STARD8: variants seen among roughly 807,000 people sequenced by gnomAD.
STARD8 encodes stAR-related lipid transfer protein 8.
Under a neutral mutation model 69.4 loss-of-function variants are expected in STARD8, and 25 were observed. The observed-to-expected ratio is 0.36, with a 90% CI of 0.26 to 0.50. The LOEUF (loss-of-function observed/expected upper bound fraction) is 0.50. STARD8 is among the 20% of genes least tolerant of loss of function. The probability of loss-of-function intolerance (pLI) is 0.96; values close to 1 mark genes in which losing one functional copy is unlikely to be tolerated. For synonymous variants in STARD8, 389 were observed against 374.6 expected (o/e 1.04, Z -0.45); for missense variants, 921 against 932.5 (o/e 0.99, Z 0.16).
At chrX:68,653,221 TACAC>T (rs1484716540) in intron 1 of STARD8, among the ~76,000 whole-genome samples, 1 of 4,317 alleles carries the variant, frequency 2.3e-4, no homozygotes, top group Admixed American at 2.9e-3. Context: ...CCACACAACA[TACAC>T]ACCACACCAC....
intron 1 of STARD8, among the ~76,000 whole-genome samples, chrX:68,659,251 G>C (rs1297777082): frequency 8.9e-6 from 1 of 111,762 alleles, no homozygotes; most frequent in African/African-American, 3.3e-5. Context: ...GATTGCTCTA[G>C]GTGACCCTGG....
intron 2 of STARD8, among the ~76,000 whole-genome samples, chrX:68,686,836 A>G (rs2079836373): frequency 9.0e-6 from 1 of 111,472 alleles, no homozygotes; most frequent in African/African-American, 3.3e-5. Context: ...CCAGCAGTCT[A>G]TCCGGCTTCG....
intron 1 of STARD8, among the ~76,000 whole-genome samples, chrX:68,650,308 C>A (rs2079538770): frequency 9.2e-6 from 1 of 108,644 alleles, no homozygotes; most frequent in African/African-American, 3.4e-5. Context: ...CACCTATAGT[C>A]CCAGTTACTT....
chrX:68,690,918 A>G (rs187060373), intron 2 of STARD8, among the ~76,000 whole-genome samples: 2 of 112,163 alleles, frequency 1.8e-5, no homozygotes, highest in Non-Finnish European at 3.8e-5. Context: ...GCAGCCATTG[A>G]AGGTCAGGGT....
At chrX:68,685,158 G>C (rs777424525) in intron 2 of STARD8, among the ~76,000 whole-genome samples, 118 of 112,078 alleles carry the variant, frequency 1.1e-3, no homozygotes, top group Middle Eastern at 4.6e-3. Flanking sequence ...GAGACAGTAG[G>C]GGGGAGGGGC....
At chrX:68,648,416 C>T (rs1451904188) in intron 1 of STARD8, among the ~76,000 whole-genome samples, 1 of 111,120 alleles carries the variant, frequency 9.0e-6, no homozygotes, top group Non-Finnish European at 1.9e-5. Context: ...TAATTTCTAT[C>T]CATATATATA....
Position 68,685,366 on chromosome X carries a change from A to G in STARD8, c.79+19834A>G, listed in dbSNP as rs745338434. ...TTTACTGGCCACCAACAGAAGTAGAATGGAAATGACCTGGTCTGAGAGCTG... is the reference window on the plus strand; with the variant it reads ...TTTACTGGCCACCAACAGAAGTAGAGTGGAAATGACCTGGTCTGAGAGCTG... On this transcript the variant is annotated intron_variant, in intron 2 of 14. Coordinates refer to ENST00000374599, the MANE Select transcript of STARD8 (RefSeq NM_001142503.3). Among the ~76,000 whole-genome samples the G allele has an allele frequency of 4.5e-5, 5 of 111,891 alleles. No homozygotes were observed. In the East Asian group the frequency reaches 1.4e-3, roughly 31 times the overall value.
intron 3 of STARD8, among the ~76,000 whole-genome samples, chrX:68,714,587 C>T (rs2080077135): frequency 8.9e-6 from 1 of 112,401 alleles, no homozygotes; most frequent in African/African-American, 3.2e-5. Flanking sequence ...AGTACTGTTG[C>T]TTATCTTTTT....
chrX:68,682,873 T>A (rs1216835340), intron 2 of STARD8, among the ~76,000 whole-genome samples: 1 of 112,256 alleles, frequency 8.9e-6, no homozygotes, highest in Non-Finnish European at 1.9e-5. Flanking sequence ...GTCTTAGAAG[T>A]GTGGACTTGT....
intron 7 of STARD8, among the ~76,000 whole-genome samples, chrX:68,719,972 C>T (rs190614075): frequency 5.3e-5 from 6 of 112,641 alleles, no homozygotes; most frequent in Non-Finnish European, 1.1e-4. Context: ...CCCTAACTCA[C>T]TAGGTACAGT....
intron 1 of STARD8, among the ~76,000 whole-genome samples, chrX:68,653,768 C>G (rs1035768981): frequency 9.8e-6 from 1 of 102,380 alleles, no homozygotes; most frequent in Non-Finnish European, 2.0e-5. Context: ...CCCCACACAT[C>G]ACACATACCA....
rs769544278 is a variant in STARD8 at position 68,719,184 on chromosome X, C to A, written c.1716-41C>A. On this transcript the variant is annotated intron_variant, in intron 6 of 14. Transcript: ENST00000374599. ...CTTTTCTAAGGTTTAGCCAAACCTG[C>A]TCCTCTGGGCTTCTCCACCCCTCTC... 8.0e-6 allele frequency: 9 copies of A among 1,125,466 alleles called. No homozygotes were observed. The African/African-American group carries it at 1.7e-4, about 21-fold the overall frequency. The allele number at this position is 1,125,466 out of a possible 1,213,427, so 92.8% of individuals were successfully genotyped here.
In STARD8 at chrX:68,665,513, G is replaced by T. The variant is rs1569354645; in HGVS notation, c.60G>T (p.Leu20=). The change falls in exon 2 of 15, where the codon CTG becomes CTT. Residue 20 remains leucine, a synonymous_variant. Transcript: ENST00000374599. ...CFRKVKCFPL[L]QVKKNAEAEA... ...TTCTTTTGCAGTGCTTCCCATTGCT[G>T]CAGGTGAAGAAGAACGCTGGTAAGT... 3.3e-6 allele frequency: 4 copies of T among 1,208,792 alleles called. No individual in the cohort carries two copies. Among genetic ancestry groups the T allele is most frequent in the Non-Finnish European group, 4.5e-6 (4 of 894,066 alleles).
chrX:68,720,269 T>G lies in STARD8; in HGVS notation c.1895T>G (p.Met632Arg). The G allele has an allele frequency of 8.4e-7, 1 of 1,196,897 alleles. No homozygotes were observed. Among genetic ancestry groups the G allele is most frequent in the South Asian group, 1.9e-5 (1 of 53,924 alleles). Residue 632 changes from methionine to arginine, a missense_variant, in exon 8 of 15, where the codon ATG (methionine) becomes AGG (arginine). Coordinates refer to ENST00000374599, the MANE Select transcript of STARD8 (RefSeq NM_001142503.3). Reference protein sequence around the residue: ...VPHKQGWVWSMPKFMRRNKTP... With the variant: ...VPHKQGWVWSRPKFMRRNKTP... ...CTTGTCATTCTCCCAAACAGGTCAA[T>G]GCCCAAGTTCATGAGGAGGAACAAG...
chrX:68,652,124 C>T (rs1008098701), intron 1 of STARD8, among the ~76,000 whole-genome samples: 25 of 109,628 alleles, frequency 2.3e-4, no homozygotes, highest in African/African-American at 8.0e-4. Context: ...TCCCAAAGTG[C>T]GGGAATTACA....
At chrX:68,707,706 G>T (rs1385307740) in intron 2 of STARD8, among the ~76,000 whole-genome samples, 1 of 111,633 alleles carries the variant, frequency 9.0e-6, no homozygotes, top group Non-Finnish European at 1.9e-5. Context: ...CTATGTCCCT[G>T]TGACATCCAT....
intron 2 of STARD8, among the ~76,000 whole-genome samples, chrX:68,708,787 A>G (rs2080027970): frequency 8.9e-6 from 1 of 112,353 alleles, no homozygotes; most frequent in African/African-American, 3.2e-5. Context: ...GCTGGCAGCC[A>G]TGCCTTGGAA....
At chrX:68,662,296 C>A (rs1354121823) in intron 1 of STARD8, among the ~76,000 whole-genome samples, 2 of 110,991 alleles carry the variant, frequency 1.8e-5, no homozygotes, top group African/African-American at 6.6e-5. Flanking sequence ...CTGTGCCGGG[C>A]CTCTGGTCTC....
At position 68,717,914 on chromosome X, in the gene STARD8, A is replaced by G; in HGVS notation, c.1000A>G (p.Arg334Gly). Residue 334 changes from arginine to glycine, a missense_variant, in exon 6 of 15, where the codon AGG (arginine) becomes GGG (glycine). Coordinates refer to ENST00000374599, the MANE Select transcript of STARD8 (RefSeq NM_001142503.3). ...GHRLADWQPG[R>G]RWGCEGRRGS... ...CCGCCTGGCAGACTGGCAGCCAGGT[A>G]GGCGGTGGGGCTGTGAGGGGCGCCG... is the stretch of plus-strand genomic sequence containing the variant. The G allele has an allele frequency of 8.3e-7, 1 of 1,208,551 alleles. No individual in the cohort carries two copies. The highest frequency in any genetic ancestry group is 1.8e-5 in the South Asian group (1 of 56,398).
Sources: allele counts gnomAD v4.1 joint callset (sites outside exome capture counted in the v4.1 genomes callset), GRCh38; gene constraint gnomAD v4.1.1; transcripts MANE v1.5; gene names NCBI Gene and HGNC (gene_info 2026-07-23, HGNC 2026-07-21).